The following MRTFA variants were observed in gnomAD, a reference collection of about 807,000 sequenced individuals.
The protein encoded by MRTFA is myocardin-related transcription factor A.
A neutral mutation model predicts 83.5 loss-of-function variants in MRTFA; 20 were observed. That is an observed-to-expected ratio of 0.24 (90% CI 0.17 to 0.35). The LOEUF (loss-of-function observed/expected upper bound fraction) is 0.35, where lower values mean the gene tolerates loss of function less well. MRTFA is among the 10% of genes least tolerant of loss of function. MRTFA has a pLI of 1.00. For missense variants in MRTFA, 1,200 were observed against 1,224.7 expected, an observed-to-expected ratio of 0.98 and a Z score of 0.30; for synonymous variants, 659 against 541.2, an observed-to-expected ratio of 1.22 and a Z score of -3.02.
rs1281555179 is a variant in MRTFA, at chr22:40,456,218, C to T, written c.307+7003G>A. On this transcript the variant is annotated intron_variant, in intron 4 of 14. Transcript: ENST00000355630. ...TTTATCTTTCCAGGGGCTATAAAAA[C>T]TAAAAAATGAAAAATTACTTATAAT... Among the ~76,000 whole-genome samples the T allele has an allele frequency of 3.3e-5, 5 of 151,732 alleles. No individual in the cohort carries two copies. In the East Asian group the frequency reaches 9.7e-4, roughly 29 times the overall value.
intron 3 of MRTFA, among the ~76,000 whole-genome samples, chr22:40,494,247 G>A (rs969322204): frequency 6.6e-6 from 1 of 152,006 alleles, no homozygotes; most frequent in African/African-American, 2.4e-5. Flanking sequence ...AATAAAGGGA[G>A]ATATTATTAT....
intron 3 of MRTFA, among the ~76,000 whole-genome samples, chr22:40,539,829 A>G (rs939956799): frequency 6.6e-6 from 1 of 151,726 alleles, no homozygotes; most frequent in African/African-American, 2.4e-5. Context: ...TAACGTAACT[A>G]TAATATTTTC....
Position 40,460,646 on chromosome 22 carries a change from A to G in MRTFA, c.307+2575T>C, listed in dbSNP as rs544617295. The stretch of plus-strand genomic sequence containing the variant: ...TTGGTGAAAGGGACAAGTAGATGAG[A>G]AACTGGGTAGCTATCTTGTTTCTCC... On this transcript the variant is annotated intron_variant, in intron 4 of 14. Transcript: ENST00000355630. Among the ~76,000 whole-genome samples the G allele has an allele frequency of 1.1e-4, 16 of 152,322 alleles. No individual in the cohort carries two copies. The South Asian group carries it at 3.3e-3, about 32-fold the overall frequency.
chr22:40,460,711 C>T (rs1393745370), intron 4 of MRTFA, among the ~76,000 whole-genome samples: 1 of 152,150 alleles, frequency 6.6e-6, no homozygotes, highest in Non-Finnish European at 1.5e-5. Flanking sequence ...TTGTAAAGCA[C>T]AGCATTGCCC....
At chr22:40,569,259 A>T (rs1787172094) in intron 2 of MRTFA, 1 of 175,454 alleles carries the variant, frequency 5.7e-6, no homozygotes, top group South Asian at 1.5e-4. Context: ...AAGACAGCAG[A>T]GAGTAGCCAT....
intron 2 of MRTFA, among the ~76,000 whole-genome samples, chr22:40,575,482 A>T (rs552752811): frequency 1.3e-5 from 2 of 152,352 alleles, no homozygotes; most frequent in African/African-American, 4.8e-5. Flanking sequence ...TCAAATATTT[A>T]AAAAATTATT....
chr22:40,634,969 C>G (rs2056678894), intron 1 of MRTFA, among the ~76,000 whole-genome samples: 1 of 152,188 alleles, frequency 6.6e-6, no homozygotes, highest in South Asian at 2.1e-4. Context: ...TTCTTAAAAA[C>G]GGGCTCTTCT....
chr22:40,548,308 G>T (rs529015551), intron 3 of MRTFA, among the ~76,000 whole-genome samples: 1 of 126,498 alleles, frequency 7.9e-6, no homozygotes, highest in African/African-American at 3.1e-5. Flanking sequence ...GCCGTGAGCC[G>T]AGATCACGCC....
chr22:40,511,675 C>A (rs1377616149), intron 3 of MRTFA, among the ~76,000 whole-genome samples: 1 of 151,916 alleles, frequency 6.6e-6, no homozygotes, highest in African/African-American at 2.4e-5. Context: ...GAAAGAATAA[C>A]ACAAAGGTGG....
intron 5 of MRTFA, among the ~76,000 whole-genome samples, chr22:40,434,671 G>A (rs888214365): frequency 2.0e-5 from 3 of 152,200 alleles, no homozygotes; most frequent in African/African-American, 7.2e-5. Context: ...GCGGTGAACT[G>A]AGATCACGCC....
Position 40,429,649 on chromosome 22 carries a change from C to T in MRTFA, c.558G>A (p.Lys186=), listed in dbSNP as rs933197040. The change falls in exon 7 of 15, where the codon AAG becomes AAA. Residue 186 remains lysine (K), a synonymous_variant. Coordinates refer to ENST00000355630, the MANE Select transcript of MRTFA (RefSeq NM_020831.6). The stretch of plus-strand genomic sequence containing the variant: ...GGCTGGACTCAACAGGAAGGATGTT[C>T]TTCTCCACCAGCTCCATGGGGCCAG... 22 of 1,614,172 alleles carry T rather than the reference C, an allele frequency of 1.4e-5. No individual in the cohort carries two copies. Among genetic ancestry groups the T allele is most frequent in the Non-Finnish European group, 1.7e-5 (20 of 1,180,026 alleles).
At chr22:40,524,799 T>TTGTGCG in intron 3 of MRTFA, among the ~76,000 whole-genome samples, 2 of 152,318 alleles carry the variant, frequency 1.3e-5, no homozygotes. Context: ...TTATTTATTT[T>TTGTGCG]TGTGCGTGTG....
chr22:40,494,376 T>C (rs1231606349), intron 3 of MRTFA, among the ~76,000 whole-genome samples: 2 of 152,130 alleles, frequency 1.3e-5, no homozygotes, highest in Non-Finnish European at 2.9e-5. Flanking sequence ...AACTTGTGAA[T>C]GGAATAAAAA....
intron 5 of MRTFA, among the ~76,000 whole-genome samples, chr22:40,431,729 A>G (rs1260838737): frequency 6.6e-6 from 1 of 152,220 alleles, no homozygotes; most frequent in African/African-American, 2.4e-5. Flanking sequence ...TGGACTGACA[A>G]TATATCTATT....
At chr22:40,484,869 G>A (rs564013240) in intron 3 of MRTFA, among the ~76,000 whole-genome samples, 112 of 151,808 alleles carry the variant, frequency 7.4e-4, no homozygotes, top group Non-Finnish European at 1.3e-3. Context: ...TCAGGAGATC[G>A]AGACCATCCT....
chr22:40,496,481 C>A (rs1021164234), intron 3 of MRTFA, among the ~76,000 whole-genome samples: 1 of 149,310 alleles, frequency 6.7e-6, no homozygotes, highest in South Asian at 2.1e-4. Flanking sequence ...TAAATAACTA[C>A]TGTCTTTATA....
intron 3 of MRTFA, chr22:40,523,868 C>G (rs2054913729): frequency 6.6e-6 from 1 of 152,092 alleles, no homozygotes; most frequent in Non-Finnish European, 1.5e-5. Context: ...TCTTATGGCA[C>G]TGATTTGAGG....
intron 4 of MRTFA, among the ~76,000 whole-genome samples, chr22:40,443,253 AAAAAACAAAAAC>A (rs566883513): frequency 6.6e-6 from 1 of 152,170 alleles, no homozygotes; most frequent in South Asian, 2.1e-4. Context: ...CTGTCTCAAA[AAAAAACAAAAAC>A]AAAAACAAAC....
chr22:40,587,106 G>A lies in MRTFA; in HGVS notation c.-22+7568C>T, dbSNP rs2147369999. 6.6e-6 allele frequency: 3 copies of A among 452,044 alleles called. 1 individual carries two copies. The highest frequency in any genetic ancestry group is 4.9e-5 in the South Asian group (3 of 61,324). 28.0% of individuals were successfully genotyped at this position (452,044 alleles called of 1,614,324 possible). On this transcript the variant is annotated intron_variant, in intron 2 of 14. Transcript: ENST00000355630. ...TCTACGATGAATCTTCCTGCAACGT[G>A]CTTGAAGGGCTTTGGATGTCTGGGC...
Sources: allele counts gnomAD v4.1 joint callset (sites outside exome capture counted in the v4.1 genomes callset), GRCh38; gene constraint gnomAD v4.1.1; transcripts MANE v1.5; gene names NCBI Gene and HGNC (gene_info 2026-07-23, HGNC 2026-07-21).